Variants in MAPK4 observed in about 807,000 individuals in gnomAD.
MAPK4 encodes the protein Erk3-related.
A neutral mutation model predicts 47.7 loss-of-function variants in MAPK4; 22 were observed. The ratio of observed to expected loss-of-function variants is 0.46; its 90% confidence interval spans 0.33 to 0.66. MAPK4 has a LOEUF of 0.66. Ranked by LOEUF, MAPK4 falls within the 30% of genes least tolerant of loss-of-function variation. The pLI is 0.02. For missense variants in MAPK4, 736 were observed against 831.7 expected (o/e 0.88, Z 1.42); for synonymous variants, 390 against 365.7 (o/e 1.07, Z -0.76).
intron 1 of MAPK4, among the ~76,000 whole-genome samples, chr18:50,573,601 A>T (rs2042268827): frequency 6.6e-6 from 1 of 152,166 alleles, no homozygotes; most frequent in Non-Finnish European, 1.5e-5. Flanking sequence ...GCTCTCACTG[A>T]TTCTACATCA....
chr18:50,682,621 A>C (rs1908652061), intron 2 of MAPK4, among the ~76,000 whole-genome samples: 3 of 152,242 alleles, frequency 2.0e-5, no homozygotes, highest in Non-Finnish European at 2.9e-5. Context: ...CAGGAATGCA[A>C]ATTTCATTTA....
intron 2 of MAPK4, among the ~76,000 whole-genome samples, chr18:50,671,108 A>G (rs528316443): frequency 1.3e-5 from 2 of 152,330 alleles, no homozygotes; most frequent in South Asian, 4.1e-4. Context: ...TGTCTGAAGC[A>G]GGTGCCTTAA....
At chr18:50,725,818 G>A in intron 4 of MAPK4, 144 bp from the exon 5 acceptor site, 1 of 709,652 alleles carries the variant, frequency 1.4e-6, no homozygotes, top group Non-Finnish European at 2.5e-6. Context: ...TGTGACAAGG[G>A]TCTTGAGAAA....
intron 2 of MAPK4, among the ~76,000 whole-genome samples, chr18:50,702,077 G>A (rs1014757277): frequency 2.0e-5 from 3 of 146,620 alleles, no homozygotes; most frequent in Non-Finnish European, 4.5e-5. Flanking sequence ...TGGGAGGATC[G>A]CTTGAGCCCA....
intron 1 of MAPK4, among the ~76,000 whole-genome samples, chr18:50,645,646 T>A (rs2042982077): frequency 6.6e-6 from 1 of 152,184 alleles, no homozygotes; most frequent in Admixed American, 6.5e-5. Context: ...AAGGGGTGCA[T>A]GGCAAGCCAA....
rs1367019163 is a variant in MAPK4 at position 50,730,190 on chromosome 18, T to A, written c.*336T>A. The A allele has an allele frequency of 1.5e-5, 3 of 206,330 alleles. No homozygotes were observed. The highest frequency in any genetic ancestry group is 6.9e-5 in the African/African-American group (3 of 43,612). The allele number at this position is 206,330 out of a possible 1,614,324, so 12.8% of individuals were successfully genotyped here. On this transcript the variant is annotated 3_prime_UTR_variant, in exon 6 of 6. Coordinates refer to ENST00000400384, the MANE Select transcript of MAPK4 (RefSeq NM_002747.4). ...AGGATGCCGAGAAATCTTGCAGAGG[T>A]AGCTCCGAAACCATCTGGCCCAACT...
At chr18:50,725,645 C>G (rs1911151125) in intron 4 of MAPK4, among the ~76,000 whole-genome samples, 1 of 152,208 alleles carries the variant, frequency 6.6e-6, no homozygotes, top group Admixed American at 6.5e-5. Flanking sequence ...CTGGGATCCC[C>G]CACCACATAA....
At chr18:50,580,442 C>T (rs1184826586) in intron 1 of MAPK4, among the ~76,000 whole-genome samples, 1 of 152,174 alleles carries the variant, frequency 6.6e-6, no homozygotes, top group Non-Finnish European at 1.5e-5. Context: ...CAGGGGAAGA[C>T]ATATGGCCTG....
chr18:50,704,874 A>C, intron 2 of MAPK4: 2 of 398,048 alleles, frequency 5.0e-6, no homozygotes, highest in Non-Finnish European at 8.8e-6. Context: ...CCCCAAGCAC[A>C]TGGTCAGCAC....
chr18:50,631,018 A>C (rs933098324), intron 1 of MAPK4, among the ~76,000 whole-genome samples: 2 of 152,096 alleles, frequency 1.3e-5, no homozygotes, highest in African/African-American at 4.8e-5. Context: ...CCAAACCAGC[A>C]CTCACAGTCC....
chr18:50,615,203 G>A (rs112838532), intron 1 of MAPK4, among the ~76,000 whole-genome samples: 2,645 of 152,150 alleles, frequency 0.017, 74 homozygotes, highest in African/African-American at 0.059. Context: ...AATTGTGTTG[G>A]GGGGGGAGAT....
intron 2 of MAPK4, among the ~76,000 whole-genome samples, chr18:50,684,035 C>T (rs1295291723): frequency 1.3e-5 from 2 of 152,154 alleles, no homozygotes; most frequent in African/African-American, 2.4e-5. Flanking sequence ...GATGGCACCA[C>T]GGAGACCTCC....
chr18:50,716,678 C>T (rs1007071675), intron 3 of MAPK4, among the ~76,000 whole-genome samples: 5 of 152,090 alleles, frequency 3.3e-5, no homozygotes, highest in African/African-American at 7.2e-5. Context: ...GCCTCATATC[C>T]GGTCCTCCTG....
intron 1 of MAPK4, among the ~76,000 whole-genome samples, chr18:50,646,285 A>G (rs1006946927): frequency 6.6e-6 from 1 of 152,116 alleles, no homozygotes; most frequent in East Asian, 1.9e-4. Flanking sequence ...CTCTTCCTCC[A>G]TGGGCCTTTG....
intron 1 of MAPK4, among the ~76,000 whole-genome samples, chr18:50,628,828 T>C (rs1273269773): frequency 6.6e-6 from 1 of 152,276 alleles, no homozygotes; most frequent in Non-Finnish European, 1.5e-5. Flanking sequence ...CTGTTCTCTC[T>C]GGCCATGGTT....
At chr18:50,585,686 G>A (rs959325024) in intron 1 of MAPK4, among the ~76,000 whole-genome samples, 2 of 152,264 alleles carry the variant, frequency 1.3e-5, no homozygotes, top group Non-Finnish European at 2.9e-5. Context: ...ATATTAGTCC[G>A]CTCTCATGCT....
At chr18:50,714,997 T>G in intron 2 of MAPK4, 82 bp from the exon 3 acceptor site, 1 of 1,404,822 alleles carries the variant, frequency 7.1e-7, no homozygotes, top group Non-Finnish European at 9.9e-7. Flanking sequence ...GTCTGTTTCA[T>G]GGGAGGGGAA....
chr18:50,670,620 G>A (rs1568073308), intron 2 of MAPK4, among the ~76,000 whole-genome samples: 1 of 152,094 alleles, frequency 6.6e-6, no homozygotes, highest in Non-Finnish European at 1.5e-5. Flanking sequence ...AGCCAGGCGT[G>A]GTGGTGTGTG....
chr18:50,616,451 TTA>T (rs2042685373), intron 1 of MAPK4, among the ~76,000 whole-genome samples: 1 of 152,204 alleles, frequency 6.6e-6, no homozygotes, highest in South Asian at 2.1e-4. Context: ...AGGGCTTGTA[TTA>T]GGGTTCTCTA....
Sources: gnomAD v4.1 joint callset for allele counts (sites outside exome capture counted in the v4.1 genomes callset) on GRCh38, gnomAD v4.1.1 for gene constraint, MANE v1.5 for transcripts, NCBI Gene and HGNC (gene_info 2026-07-23, HGNC 2026-07-21) for gene names.